The following PJVK variants were observed in gnomAD, a reference collection of about 807,000 sequenced individuals.
The protein encoded by PJVK is pejvakin.
Under a neutral mutation model 37.6 loss-of-function variants are expected in PJVK, and 33 were observed. The observed-to-expected ratio is 0.88, with a 90% CI of 0.67 to 1.17. The LOEUF is 1.17. PJVK is among the 50% of genes most tolerant of loss of function. PJVK has a pLI of 0.00. For missense variants in PJVK, 410 were observed against 413.8 expected, an observed-to-expected ratio of 0.99 and a Z score of 0.08; for synonymous variants, 141 against 143.5, an observed-to-expected ratio of 0.98 and a Z score of 0.13.
At position 178,453,510 on chromosome 2, in the gene PJVK, T is replaced by G; in HGVS notation, c.101T>G (p.Leu34Arg). ...SLSEADKYQP[L>R]SLVVKKKRCF... The stretch of plus-strand genomic sequence containing the variant: ...AGTGAAGCTGACAAATATCAACCTC[T>G]AAGTCTGGTGGTAAAAAAGAAGCGA... The change falls in exon 2 of 7, where the codon CTA becomes CGA. Residue 34 changes from leucine (L) to arginine (R), a missense_variant. Coordinates refer to ENST00000644580, the MANE Select transcript of PJVK (RefSeq NM_001042702.5). The G allele has an allele frequency of 6.2e-7, 1 of 1,614,138 alleles. No individual in the cohort carries two copies. Among genetic ancestry groups the G allele is most frequent in the Non-Finnish European group, 8.5e-7 (1 of 1,179,994 alleles).
rs1459296711 is a variant in PJVK, at chr2:178,454,373, G to T, written c.253G>T (p.Asp85Tyr). 6.2e-7 allele frequency: 1 copy of T among 1,613,690 alleles called. No individual in the cohort carries two copies. Among genetic ancestry groups the T allele is most frequent in the Admixed American group, 1.7e-5 (1 of 60,000 alleles). The change falls in exon 3 of 7, where the codon GAT becomes TAT. Residue 85 changes from aspartate to tyrosine, a missense_variant. Asp to Tyr is a radical substitution (Grantham distance 160, BLOSUM62 -3). Coordinates refer to ENST00000644580, the MANE Select transcript of PJVK (RefSeq NM_001042702.5). ...ATTACTGAATTATGAAGATGAATCA[G>T]ATGTTTCACTCTATGGAAGGCGAGG... ...YQLLNYEDES[D>Y]VSLYGRRGNH...
At chr2:178,456,406 A>G (rs578258425) in intron 4 of PJVK, among the ~76,000 whole-genome samples, 25 of 151,314 alleles carry the variant, frequency 1.7e-4, no homozygotes, top group Admixed American at 1.6e-3. Context: ...GAGTCCCTCA[A>G]GTTACTATTT....
Position 178,454,465 on chromosome 2 carries a change from A to C in PJVK, c.345A>C (p.Ser115=). The C allele has an allele frequency of 6.2e-7, 1 of 1,613,968 alleles. No individual in the cohort carries two copies. Among genetic ancestry groups the C allele is most frequent in the East Asian group, 2.2e-5 (1 of 44,824 alleles). The part of the protein sequence containing the change: ...AGSDSIAVKA[S]FGIVTKHEVE... The stretch of plus-strand genomic sequence containing the variant: ...CAGATTCCATTGCAGTGAAAGCTTC[A>C]TTTGGTATAGTAACCAAACATGAAG... Residue 115 remains serine, a synonymous_variant, in exon 3 of 7, where the codon TCA becomes TCC. Coordinates refer to ENST00000644580, the MANE Select transcript of PJVK (RefSeq NM_001042702.5).
In PJVK at chr2:178,460,976, T is replaced by C. The variant is rs777917950; in HGVS notation, c.767-6T>C. 4.3e-6 allele frequency: 7 copies of C among 1,613,412 alleles called. No individual in the cohort carries two copies. Among genetic ancestry groups the C allele is most frequent in the Non-Finnish European group, 5.9e-6 (7 of 1,179,870 alleles). On this transcript the variant is annotated splice_region_variant and splice_polypyrimidine_tract_variant and intron_variant, in intron 6 of 6. Transcript: ENST00000644580. ...ACACATTTCTTTTCTGTTTTTGTCC[T>C]TTTAGATAGAAGAGTGATGGATGTC... is the stretch of plus-strand genomic sequence containing the variant.
At position 178,461,283 on chromosome 2, in the gene PJVK, A is replaced by G. The variant is rs781178189; in HGVS notation, c.*9A>G. The G allele has an allele frequency of 6.2e-7, 1 of 1,613,846 alleles. No individual in the cohort carries two copies. Among genetic ancestry groups the G allele is most frequent in the Non-Finnish European group, 8.5e-7 (1 of 1,180,024 alleles). On this transcript the variant is annotated 3_prime_UTR_variant, in exon 7 of 7. Transcript: ENST00000644580. ...ACAAGAGGATGAAATAAAATGAAAA[A>G]TGAATACACCGTGTTGGTGTTTTAG...
At chr2:178,454,148 T>C (rs1697900261) in intron 2 of PJVK, 184 bp from the exon 3 acceptor site, 1 of 523,126 alleles carries the variant, frequency 1.9e-6, no homozygotes. Context: ...CTTTTAAGAA[T>C]TCTGGCTATG....
chr2:178,460,721 C>T (rs905267179), intron 6 of PJVK, among the ~76,000 whole-genome samples: 6 of 151,878 alleles, frequency 4.0e-5, no homozygotes, highest in Admixed American at 3.3e-4. Flanking sequence ...CAGTGGTGTG[C>T]ACCTGTAGTC....
chr2:178,453,567 C>T lies in PJVK; in HGVS notation c.158C>T (p.Ser53Leu), dbSNP rs538027448. 3 of 1,614,028 alleles carry T rather than the reference C, an allele frequency of 1.9e-6. No individual in the cohort carries two copies. Among genetic ancestry groups the T allele is most frequent in the East Asian group, 2.2e-5 (1 of 44,870 alleles). Residue 53 changes from serine to leucine, a missense_variant, in exon 2 of 7, where the codon TCA (serine) becomes TTA (leucine). Coordinates refer to ENST00000644580, the MANE Select transcript of PJVK (RefSeq NM_001042702.5). ...CFLFPRYKFT[S>L]TPFTLKDILL... is the part of the protein sequence containing the mutation. ...CTGTTTCCTAGATATAAATTTACTT[C>T]AACACCTTTTACACTGAAAGATATT... is the stretch of plus-strand genomic sequence containing the variant.
chr2:178,456,679 A>G (rs1003001525), intron 4 of PJVK, among the ~76,000 whole-genome samples: 1 of 152,114 alleles, frequency 6.6e-6, no homozygotes, highest in African/African-American at 2.4e-5. Context: ...AGGCACAAGA[A>G]TCACTTGAAC....
Position 178,461,456 on chromosome 2 carries a change from T to A in PJVK, c.*182T>A, listed in dbSNP as rs1684505837. 1 of 608,778 alleles carries A rather than the reference T, an allele frequency of 1.6e-6. No individual in the cohort carries two copies. Among genetic ancestry groups the A allele is most frequent in the Non-Finnish European group, 2.8e-6 (1 of 356,174 alleles). The allele number at this position is 608,778 out of a possible 1,614,324, so 37.7% of individuals were successfully genotyped here. A position where few individuals can be genotyped will look rare whatever the true frequency, so the allele number is the denominator to read the frequency against. Reference sequence around the variant, plus strand: ...CAATTATAACAGTAGTGTCTATTTCTTAAGTTGTCATGAAAATTAATAACA... The same window carrying A: ...CAATTATAACAGTAGTGTCTATTTCATAAGTTGTCATGAAAATTAATAACA... On this transcript the variant is annotated 3_prime_UTR_variant, in exon 7 of 7. Transcript: ENST00000644580.
At position 178,455,931 on chromosome 2, in the gene PJVK, C is replaced by T. The variant is rs1007967969; in HGVS notation, c.408-79C>T. On this transcript the variant is annotated intron_variant, in intron 3 of 6. Coordinates refer to ENST00000644580, the MANE Select transcript of PJVK (RefSeq NM_001042702.5). ...TATTAGGTGAACTATGAATGAATAA[C>T]ACATGATAGCAAAAAATGTATTTGA... The T allele has an allele frequency of 3.3e-6, 5 of 1,527,032 alleles. No homozygotes were observed. The South Asian group carries it at 3.5e-5, about 11-fold the overall frequency. The allele number at this position is 1,527,032 out of a possible 1,614,324, so 94.6% of individuals were successfully genotyped here. A position where few individuals can be genotyped will look rare whatever the true frequency, so the allele number is the denominator to read the frequency against.
At chr2:178,454,233 T>C (rs1004288645) in intron 2 of PJVK, 99 bp from the exon 3 acceptor site, 1 of 1,003,138 alleles carries the variant, frequency 1.0e-6, no homozygotes, top group Non-Finnish European at 1.5e-6. Context: ...TCTCTAACAT[T>C]TGGGTATTTG....
chr2:178,455,164 T>G, intron 3 of PJVK: 1 of 1,599,740 alleles, frequency 6.3e-7, no homozygotes, highest in Non-Finnish European at 8.6e-7. Context: ...TGACTGTGCA[T>G]CTGGAGAAGA....
chr2:178,457,769 G>A (rs1318995691), intron 4 of PJVK, among the ~76,000 whole-genome samples: 1 of 152,086 alleles, frequency 6.6e-6, no homozygotes, highest in Non-Finnish European at 1.5e-5. Flanking sequence ...GACACCTTAG[G>A]ATGCAGGAGT....
Position 178,461,499 on chromosome 2 carries a change from G to T in PJVK, c.*225G>T. 1.6e-5 allele frequency: 7 copies of T among 439,908 alleles called. No homozygotes were observed. Among genetic ancestry groups the T allele is most frequent in the African/African-American group, 2.0e-5 (1 of 49,154 alleles). The allele number at this position is 439,908 out of a possible 1,614,324, so 27.3% of individuals were successfully genotyped here. On this transcript the variant is annotated 3_prime_UTR_variant, in exon 7 of 7. Transcript: ENST00000644580. ...TAATAACATTGTTTATATCAAAAAA[G>T]ATTTACATATAAAATTCAGAGATTA...
chr2:178,459,601 G>GA (rs898253472), intron 5 of PJVK, among the ~76,000 whole-genome samples: 1 of 152,048 alleles, frequency 6.6e-6, no homozygotes, highest in African/African-American at 2.4e-5. Flanking sequence ...CTAAGATGGA[G>GA]AAAAAACTGT....
intron 1 of PJVK, 164 bp downstream of exon 1, chr2:178,451,933 C>T (rs918410059): frequency 1.3e-5 from 9 of 717,670 alleles, no homozygotes; most frequent in Non-Finnish European, 1.5e-5. Flanking sequence ...GAAATGCTCC[C>T]CTGTGCTTAC....
intron 4 of PJVK, among the ~76,000 whole-genome samples, chr2:178,457,948 AC>A (rs1684236201): frequency 6.6e-6 from 1 of 152,244 alleles, no homozygotes. Flanking sequence ...CCTAATAATG[AC>A]TTGATTGGAT....
chr2:178,452,039 T>C (rs1335258135), intron 1 of PJVK, among the ~76,000 whole-genome samples: 4 of 152,200 alleles, frequency 2.6e-5, no homozygotes, highest in Non-Finnish European at 5.9e-5. Flanking sequence ...ACGCCTGTAA[T>C]CCCAGCACTT....
Sources: allele counts gnomAD v4.1 joint callset (sites outside exome capture counted in the v4.1 genomes callset), GRCh38; gene constraint gnomAD v4.1.1; transcripts MANE v1.5; gene names NCBI Gene and HGNC (gene_info 2026-07-23, HGNC 2026-07-21).